The following MSH3 variants were observed in gnomAD, a reference collection of about 807,000 sequenced individuals.
MSH3 encodes the protein DNA mismatch repair protein Msh3.
A neutral mutation model predicts 123.3 loss-of-function variants in MSH3; 106 were observed. The ratio of observed to expected loss-of-function variants is 0.86; its 90% CI spans 0.73 to 1.01. MSH3 has a LOEUF of 1.01. Ranked by LOEUF, MSH3 falls within the 50% of genes least tolerant of loss-of-function variation. MSH3 has a pLI of 0.00. For missense variants in MSH3, 1,459 were observed against 1,347.6 expected (o/e 1.08, Z -1.29); for synonymous variants, 515 against 481.4 (o/e 1.07, Z -0.91).
intron 20 of MSH3, among the ~76,000 whole-genome samples, chr5:80,846,072 C>T (rs555764335): frequency 2.0e-5 from 3 of 152,192 alleles, no homozygotes; most frequent in South Asian, 2.1e-4. Flanking sequence ...TGTTGGTGAC[C>T]TACAGGTGGC....
rs369384745 is a variant in MSH3 at position 80,658,035 on chromosome 5, C to CCTTTTTTTTT, written c.358+1504_358+1505insCTTTTTTTTT. ...ATTTTTCCTAAGAATGCTTTTTGCC[C>CCTTTTTTTTT]TCTTTTTTTTTTTTTGAGATAGGGT... On this transcript the variant is annotated intron_variant, in intron 2 of 23. Transcript: ENST00000265081. 8.0e-5 allele frequency among the ~76,000 whole-genome samples: 7 copies of CCTTTTTTTTT among 87,218 alleles called. 1 individual carries two copies. The highest frequency in any genetic ancestry group is 8.9e-5 in the Non-Finnish European group (4 of 45,018). 57.2% of individuals were successfully genotyped at this position (87,218 alleles called of 152,430 possible). A position where few individuals can be genotyped will look rare whatever the true frequency, so the allele number is the denominator to read the frequency against.
In MSH3 at chr5:80,679,111, T is replaced by G. The variant is rs768688242; in HGVS notation, c.1340+18T>G. On this transcript the variant is annotated intron_variant, in intron 8 of 23. Coordinates refer to ENST00000265081, the MANE Select transcript of MSH3 (RefSeq NM_002439.5). Reference sequence around the variant, plus strand: ...TCTGTTAGGTAAGTTGGCACATCACTGGAATATAATACCGATTCTGAAACT... The same window carrying G: ...TCTGTTAGGTAAGTTGGCACATCACGGGAATATAATACCGATTCTGAAACT... 32 of 1,612,188 alleles carry G rather than the reference T, an allele frequency of 2.0e-5. No individual in the cohort carries two copies. Among genetic ancestry groups the G allele is most frequent in the Non-Finnish European group, 2.7e-5 (32 of 1,178,706 alleles).
chr5:80,844,330 A>G (rs896117156), intron 20 of MSH3, among the ~76,000 whole-genome samples: 9 of 152,082 alleles, frequency 5.9e-5, no homozygotes, highest in Admixed American at 2.0e-4. Flanking sequence ...TATGTGGTCA[A>G]TTTTAGAATA....
In MSH3 at chr5:80,654,984, G is replaced by C; in HGVS notation, c.237+20G>C. On this transcript the variant is annotated intron_variant, in intron 1 of 23. Transcript: ENST00000265081. ...CACATAGTAGGTTCTGTCTGGGACT[G>C]GGCAGGGCCATCGGGGCTGGGGGGG... The C allele has an allele frequency of 2.1e-6, 3 of 1,398,118 alleles. No individual in the cohort carries two copies. Among genetic ancestry groups the C allele is most frequent in the Non-Finnish European group, 2.8e-6 (3 of 1,063,796 alleles). 86.6% of individuals were successfully genotyped at this position (1,398,118 alleles called of 1,614,324 possible).
chr5:80,864,754 A>G, intron 21 of MSH3, 59 bp from the exon 22 acceptor site: 1 of 1,491,826 alleles, frequency 6.7e-7, no homozygotes. Flanking sequence ...TGGAAGACAG[A>G]TTTTAATTAC....
intron 12 of MSH3, among the ~76,000 whole-genome samples, chr5:80,747,274 A>G (rs1336906131): frequency 6.6e-6 from 1 of 152,150 alleles, no homozygotes; most frequent in African/African-American, 2.4e-5. Context: ...TCCAATGTTA[A>G]ATTTCCTTTT....
At chr5:80,701,957 C>T (rs1211218532) in intron 8 of MSH3, among the ~76,000 whole-genome samples, 1 of 151,998 alleles carries the variant, frequency 6.6e-6, no homozygotes, top group East Asian at 1.9e-4. Flanking sequence ...TATGGTTTTT[C>T]TGTACAGTTT....
At chr5:80,778,948 T>C (rs938700161) in intron 17 of MSH3, 112 bp downstream of exon 17, 17 of 712,674 alleles carry the variant, frequency 2.4e-5, no homozygotes, top group Non-Finnish European at 4.3e-5. Flanking sequence ...CACCATAAAA[T>C]AGTTGAGTAC....
At chr5:80,750,007 C>T (rs983049733) in intron 12 of MSH3, among the ~76,000 whole-genome samples, 1 of 150,262 alleles carries the variant, frequency 6.7e-6, no homozygotes, top group African/African-American at 2.5e-5. Flanking sequence ...GCATTATGTC[C>T]TCTAGGTTCA....
Position 80,842,257 on chromosome 5 carries a change from G to GGTCTAAAA in MSH3, c.2814-11868_2814-11867insAAAGTCTA, listed in dbSNP as rs1745640113. 2.6e-5 allele frequency among the ~76,000 whole-genome samples: 4 copies of GGTCTAAAA among 152,198 alleles called. No individual in the cohort carries two copies. In the South Asian group the frequency reaches 8.3e-4, roughly 32 times the overall value. On this transcript the variant is annotated intron_variant, in intron 20 of 23. Coordinates refer to ENST00000265081, the MANE Select transcript of MSH3 (RefSeq NM_002439.5). The stretch of plus-strand genomic sequence containing the variant: ...TCTGAGGCCTCTGTTCTATTCCATT[G>GGTCTAAAA]GTCTATATATCTGTTTTGGTACCAG...
At chr5:80,731,111 C>G (rs901571642) in intron 10 of MSH3, among the ~76,000 whole-genome samples, 2 of 151,736 alleles carry the variant, frequency 1.3e-5, no homozygotes, top group African/African-American at 4.8e-5. Context: ...ACCATGTTGG[C>G]CAGGCTGGTC....
At chr5:80,737,361 T>G (rs1256947997) in intron 10 of MSH3, among the ~76,000 whole-genome samples, 1 of 152,192 alleles carries the variant, frequency 6.6e-6, no homozygotes, top group South Asian at 2.1e-4. Context: ...TAGAGTAATA[T>G]GGAGTTGATT....
intron 22 of MSH3, among the ~76,000 whole-genome samples, chr5:80,867,219 G>A (rs1171572293): frequency 6.6e-6 from 1 of 152,210 alleles, no homozygotes; most frequent in Non-Finnish European, 1.5e-5. Flanking sequence ...TCCAGAGGAA[G>A]AGTGGGCTTC....
At chr5:80,691,005 TTAATA>T (rs1371884128) in intron 8 of MSH3, among the ~76,000 whole-genome samples, 1 of 151,938 alleles carries the variant, frequency 6.6e-6, no homozygotes, top group Non-Finnish European at 1.5e-5. Context: ...AACTCATAAT[TTAATA>T]TATTAATATG....
At position 80,824,390 on chromosome 5, in the gene MSH3, G is replaced by A. The variant is rs544500967; in HGVS notation, c.2813+10649G>A. ...GCTGCCCCCCACCTCCCTCCAGGAC[G>A]GGGGCTGCCCCCCACCTCCCTCCCA... is the stretch of plus-strand genomic sequence containing the variant. On this transcript the variant is annotated intron_variant, in intron 20 of 23. Transcript: ENST00000265081. Among the ~76,000 whole-genome samples, 53 of 149,512 alleles carry A rather than the reference G, an allele frequency of 3.5e-4. No individual in the cohort carries two copies. The South Asian group carries it at 0.01, about 29-fold the overall frequency.
intron 13 of MSH3, among the ~76,000 whole-genome samples, chr5:80,763,132 C>T (rs1744071023): frequency 6.6e-6 from 1 of 152,204 alleles, no homozygotes; most frequent in African/African-American, 2.4e-5. Flanking sequence ...CAGGCATGAG[C>T]CACTGCGCCC....
intron 19 of MSH3, among the ~76,000 whole-genome samples, chr5:80,805,859 T>C (rs556762876): frequency 1.3e-5 from 2 of 152,100 alleles, no homozygotes; most frequent in Non-Finnish European, 2.9e-5. Context: ...ACTGCTGGGA[T>C]TACAGGCGTG....
At chr5:80,665,966 C>G (rs1749559503) in intron 3 of MSH3, among the ~76,000 whole-genome samples, 1 of 152,184 alleles carries the variant, frequency 6.6e-6, no homozygotes. Context: ...GAACTTCAAA[C>G]AAAAATTGCC....
intron 20 of MSH3, among the ~76,000 whole-genome samples, chr5:80,821,672 G>A (rs1745207187): frequency 6.6e-6 from 1 of 152,232 alleles, no homozygotes; most frequent in Non-Finnish European, 1.5e-5. Flanking sequence ...GTTTATAGAA[G>A]CACTCTGCCA....
Sources: allele counts gnomAD v4.1 joint callset (sites outside exome capture counted in the v4.1 genomes callset), GRCh38; gene constraint gnomAD v4.1.1; transcripts MANE v1.5; gene names NCBI Gene and HGNC (gene_info 2026-07-23, HGNC 2026-07-21).